The following CWC22 variants were observed in gnomAD, a reference collection of about 807,000 sequenced individuals.
CWC22 encodes CWC22 spliceosome associated protein.
Under a neutral mutation model 117.2 loss-of-function variants are expected in CWC22, and 53 were observed. The observed-to-expected ratio is 0.45, with a 90% CI of 0.36 to 0.57. CWC22 has a LOEUF of 0.57. Among genes scored for constraint, CWC22 ranks in the 20% least tolerant of loss-of-function variants. The pLI is 0.00. For synonymous variants in CWC22, 360 were observed against 355.6 expected (o/e 1.01, Z -0.14); for missense variants, 980 against 1,068.8 (o/e 0.92, Z 1.16).
chr2:179,980,795 C>T (rs1329975172), intron 5 of CWC22, among the ~76,000 whole-genome samples: 1 of 152,164 alleles, frequency 6.6e-6, no homozygotes, highest in Non-Finnish European at 1.5e-5. Context: ...GTCTGGCTCA[C>T]CTTGCATCTG....
In CWC22 at chr2:179,952,501, A is replaced by G; in HGVS notation, c.1787T>C (p.Leu596Pro). Residue 596 changes from leucine to proline, a missense_variant, in exon 17 of 20, where the codon CTT becomes CCT. Leu to Pro is a moderately conservative substitution (Grantham distance 98). Around this residue, in one of 3 missense-constraint regions of CWC22, gnomAD observed 115 missense variants for 169.8 expected, o/e 0.68. Transcript: ENST00000410053. Reference protein sequence around the residue: ...FFQELCEYMGLPKLNARLKDE... With the variant: ...FFQELCEYMGPPKLNARLKDE... Reference sequence around the variant, plus strand: ...CTTTAATCTTGCATTAAGTTTAGGAAGACCCATGTATTCACACAGTTCCTG... The same window carrying G: ...CTTTAATCTTGCATTAAGTTTAGGAGGACCCATGTATTCACACAGTTCCTG... 2.5e-6 allele frequency: 4 copies of G among 1,569,822 alleles called. No homozygotes were observed. Among genetic ancestry groups the G allele is most frequent in the African/African-American group, 1.4e-5 (1 of 73,874 alleles).
At chr2:179,983,737 G>A (rs1242296983) in intron 4 of CWC22, among the ~76,000 whole-genome samples, 1 of 152,068 alleles carries the variant, frequency 6.6e-6, no homozygotes, top group Non-Finnish European at 1.5e-5. Flanking sequence ...GTGAACAGAT[G>A]GGGGAAAGAG....
intron 13 of CWC22, among the ~76,000 whole-genome samples, chr2:179,964,092 A>G (rs183921749): frequency 6.6e-6 from 1 of 152,300 alleles, no homozygotes; most frequent in East Asian, 1.9e-4. Context: ...TCTAATTCCT[A>G]TTTCTGTTTA....
Position 179,973,924 on chromosome 2 carries a change from A to G in CWC22, c.582-122T>C, listed in dbSNP as rs571597272. 720 of 475,860 alleles carry G rather than the reference A, an allele frequency of 1.5e-3. 4 individuals are homozygous for G. Among genetic ancestry groups the G allele is most frequent in the African/African-American group, 0.014 (674 of 49,738 alleles). 29.5% of individuals were successfully genotyped at this position (475,860 alleles called of 1,614,324 possible). A position where few individuals can be genotyped will look rare whatever the true frequency, so the allele number is the denominator to read the frequency against. ...TAATCATAAAATCTAAATCAGAACT[A>G]ACTGGAAAGAGTTTGTCTTACTAAT... On this transcript the variant is annotated intron_variant, in intron 6 of 19. Transcript: ENST00000410053.
intron 2 of CWC22, among the ~76,000 whole-genome samples, chr2:179,989,250 AATT>A (rs1228677958): frequency 0.18 from 665 of 3,668 alleles, 2 homozygotes; most frequent in Non-Finnish European, 0.44. Flanking sequence ...TTATAATAAT[AATT>A]ATTATTATTA....
At chr2:179,982,668 GA>G (rs1687314547) in intron 4 of CWC22, among the ~76,000 whole-genome samples, 1 of 152,090 alleles carries the variant, frequency 6.6e-6, no homozygotes, top group African/African-American at 2.4e-5. Context: ...AATGTGGGGG[GA>G]AAAACTTTTC....
At chr2:179,997,464 G>A (rs1295168447) in intron 1 of CWC22, among the ~76,000 whole-genome samples, 1 of 152,128 alleles carries the variant, frequency 6.6e-6, no homozygotes. Flanking sequence ...CTGGATTTTA[G>A]GACCATTTGC....
chr2:179,982,485 C>T (rs1687309523), intron 4 of CWC22, among the ~76,000 whole-genome samples: 1 of 152,074 alleles, frequency 6.6e-6, no homozygotes, highest in East Asian at 1.9e-4. Context: ...ACAAATTAGC[C>T]TGTGGTGTAT....
intron 8 of CWC22, 29 bp downstream of exon 8, chr2:179,973,163 TG>T: frequency 6.5e-7 from 1 of 1,531,524 alleles, no homozygotes; most frequent in Non-Finnish European, 8.9e-7. Context: ...TGCCACTGAA[TG>T]GGACCAAGTA....
chr2:179,971,760 T>G (rs940549480), intron 8 of CWC22, among the ~76,000 whole-genome samples: 5 of 152,190 alleles, frequency 3.3e-5, no homozygotes. Context: ...CAACAAAGAA[T>G]GTTTAAAACA....
intron 3 of CWC22, 148 bp from the exon 4 acceptor site, chr2:179,986,953 C>T (rs963488619): frequency 4.6e-5 from 22 of 476,300 alleles, no homozygotes; most frequent in South Asian, 2.4e-4. Context: ...TTGCTAACAC[C>T]CATTCATTCC....
intron 2 of CWC22, among the ~76,000 whole-genome samples, chr2:179,992,593 C>G (rs1687594704): frequency 6.6e-6 from 1 of 152,158 alleles, no homozygotes; most frequent in African/African-American, 2.4e-5. Flanking sequence ...AACATTCTAA[C>G]ATACTACATA....
intron 2 of CWC22, among the ~76,000 whole-genome samples, chr2:179,989,130 G>A (rs1278470419): frequency 1.3e-5 from 2 of 151,570 alleles, no homozygotes; most frequent in Non-Finnish European, 2.9e-5. Flanking sequence ...TCATTCTTAC[G>A]GCTTTGCAGA....
chr2:179,945,393 C>G lies in CWC22; in HGVS notation c.2463G>C (p.Lys821Asn), dbSNP rs1455668760. Residue 821 changes from lysine (K) to asparagine (N), a missense_variant, in exon 20 of 20, where the codon AAG becomes AAC. This residue lies in a region of CWC22 where 306 missense variants were observed against 296.8 expected (regional missense o/e 1.03). Transcript: ENST00000410053. ...DLENKHGDPK[K>N]KRGERRNSFS... ...AAGAATTTCTTCTCTCTCCTCTCTT[C>G]TTTTTGGGATCACCATGCTTATTTT... is the stretch of plus-strand genomic sequence containing the variant. 6.2e-7 allele frequency: 1 copy of G among 1,613,162 alleles called. No homozygotes were observed. Among genetic ancestry groups the G allele is most frequent in the South Asian group, 1.1e-5 (1 of 90,922 alleles).
intron 4 of CWC22, among the ~76,000 whole-genome samples, chr2:179,984,461 T>C (rs1389123123): frequency 6.6e-6 from 1 of 152,010 alleles, no homozygotes; most frequent in South Asian, 2.1e-4. Flanking sequence ...TAGAAAGTGA[T>C]GAGAAGGAAA....
At chr2:179,996,000 C>A (rs192764532) in intron 1 of CWC22, among the ~76,000 whole-genome samples, 1 of 152,222 alleles carries the variant, frequency 6.6e-6, no homozygotes, top group South Asian at 2.1e-4. Flanking sequence ...ACCTCTGAAC[C>A]AACACATGTA....
intron 19 of CWC22, among the ~76,000 whole-genome samples, chr2:179,946,476 A>AGG (rs1686305408): frequency 1.5e-5 from 1 of 68,644 alleles, no homozygotes; most frequent in Non-Finnish European, 2.8e-5. Context: ...GGGGGGGGGG[A>AGG]AGGGGAGGGG....
chr2:179,991,351 G>C lies in CWC22; in HGVS notation c.27+1964C>G, dbSNP rs941283932. Among the ~76,000 whole-genome samples the C allele has an allele frequency of 5.3e-5, 8 of 152,178 alleles. No individual in the cohort carries two copies. In the East Asian group the frequency reaches 7.7e-4, roughly 15 times the overall value. ...TATGAACCTAATAGGTGAGTCCTCAGAACATCAAGGGAAGAGCTGAGTTTC... is the reference window on the plus strand; with the variant it reads ...TATGAACCTAATAGGTGAGTCCTCACAACATCAAGGGAAGAGCTGAGTTTC... On this transcript the variant is annotated intron_variant, in intron 2 of 19. Transcript: ENST00000410053.
intron 19 of CWC22, among the ~76,000 whole-genome samples, chr2:179,947,113 T>C (rs16867114): frequency 0.069 from 10,444 of 152,308 alleles, 476 homozygotes; most frequent in East Asian, 0.26. Context: ...CTCAAATTCA[T>C]ACATAGGCAA....
Sources: gnomAD v4.1 joint callset for allele counts (sites outside exome capture counted in the v4.1 genomes callset) on GRCh38, gnomAD v4.1.1 for gene constraint, gnomAD v4.1.1 regional missense constraint, MANE v1.5 for transcripts, NCBI Gene and HGNC (gene_info 2026-07-23, HGNC 2026-07-21) for gene names.